Variants in CNST observed in about 807,000 individuals in gnomAD.
The protein encoded by CNST is consortin.
A neutral mutation model predicts 72.4 loss-of-function variants in CNST; 39 were observed. That is an observed-to-expected ratio of 0.54 (90% CI 0.42 to 0.70). The LOEUF (loss-of-function observed/expected upper bound fraction) is 0.70. CNST is among the 30% of genes least tolerant of loss of function. The pLI is 0.00. For synonymous variants in CNST, 332 were observed against 320.1 expected (o/e 1.04, Z -0.40); for missense variants, 871 against 868.5 (o/e 1.00, Z -0.04).
intron 4 of CNST, among the ~76,000 whole-genome samples, 162 bp from the exon 5 acceptor site, chr1:246,633,760 AAG>A (rs889885562): frequency 6.6e-6 from 1 of 152,118 alleles, no homozygotes; most frequent in African/African-American, 2.4e-5. Flanking sequence ...AAAAAAAAAA[AAG>A]AGAGAAACAT....
chr1:246,578,692 A>G (rs1178568908), intron 1 of CNST, among the ~76,000 whole-genome samples: 1 of 151,970 alleles, frequency 6.6e-6, no homozygotes, highest in East Asian at 1.9e-4. Flanking sequence ...CTATTGCCTC[A>G]AATTATAATT....
At chr1:246,592,038 T>A in intron 2 of CNST, 97 bp downstream of exon 2, 1 of 954,522 alleles carries the variant, frequency 1.0e-6, no homozygotes, top group Non-Finnish European at 1.5e-6. Context: ...CCTTGCTTCT[T>A]TGCTTACGAT....
intron 2 of CNST, among the ~76,000 whole-genome samples, chr1:246,616,661 T>G (rs1663719265): frequency 6.6e-6 from 1 of 152,150 alleles, no homozygotes; most frequent in African/African-American, 2.4e-5. Flanking sequence ...TTCAAGCAGT[T>G]CTCCTGCCTC....
At chr1:246,631,236 G>A (rs1331040485) in intron 3 of CNST, among the ~76,000 whole-genome samples, 1 of 152,176 alleles carries the variant, frequency 6.6e-6, no homozygotes, top group African/African-American at 2.4e-5. Context: ...ACTGAGACCA[G>A]CTCCTGAGTC....
chr1:246,638,720 C>T (rs1665476512), intron 6 of CNST, among the ~76,000 whole-genome samples: 1 of 152,078 alleles, frequency 6.6e-6, no homozygotes, highest in African/African-American at 2.4e-5. Context: ...AAGGAACTGC[C>T]ATCTACAAAC....
intron 1 of CNST, among the ~76,000 whole-genome samples, chr1:246,589,904 A>G (rs1661436652): frequency 6.6e-6 from 1 of 152,154 alleles, no homozygotes; most frequent in Non-Finnish European, 1.5e-5. Context: ...TTGGCTGCAT[A>G]AATGTCTTCT....
intron 9 of CNST, 30 bp downstream of exon 9, chr1:246,648,067 TA>T: frequency 3.2e-6 from 5 of 1,563,462 alleles, no homozygotes; most frequent in Non-Finnish European, 3.5e-6. Flanking sequence ...CAATTAAAAG[TA>T]AAATGGCATT....
chr1:246,648,261 G>A (rs1392103657), intron 9 of CNST: 4 of 1,292,076 alleles, frequency 3.1e-6, no homozygotes, highest in Admixed American at 3.6e-5. Context: ...TCTATTGCAT[G>A]CCTCCAGCTA....
intron 9 of CNST, among the ~76,000 whole-genome samples, chr1:246,658,560 C>G (rs1283364906): frequency 6.6e-6 from 1 of 152,036 alleles, no homozygotes; most frequent in Non-Finnish European, 1.5e-5. Flanking sequence ...CCTAAAAGCC[C>G]TAAGATATAA....
At chr1:246,579,864 T>A (rs1017667024) in intron 1 of CNST, among the ~76,000 whole-genome samples, 1 of 152,226 alleles carries the variant, frequency 6.6e-6, no homozygotes, top group Non-Finnish European at 1.5e-5. Flanking sequence ...AATTTATCTT[T>A]ATGGATGACT....
chr1:246,567,652 C>G (rs1659802508), intron 1 of CNST, among the ~76,000 whole-genome samples: 1 of 152,196 alleles, frequency 6.6e-6, no homozygotes, highest in Admixed American at 6.5e-5. Context: ...GAATTGACAA[C>G]TAAATATGAC....
chr1:246,617,446 T>C (rs958887826), intron 2 of CNST, among the ~76,000 whole-genome samples: 1 of 152,238 alleles, frequency 6.6e-6, no homozygotes, highest in African/African-American at 2.4e-5. Flanking sequence ...TTTACCACTC[T>C]TGTGACCTTT....
chr1:246,656,786 G>A (rs1178996530), intron 9 of CNST, among the ~76,000 whole-genome samples: 1 of 151,906 alleles, frequency 6.6e-6, no homozygotes, highest in African/African-American at 2.4e-5. Context: ...AAAAACATTA[G>A]CCAGGCATGG....
Position 246,665,832 on chromosome 1 carries a change from A to G in CNST, c.2105A>G (p.Asp702Gly). ...TCACCTGTTTGTACTGACTTTGCAG[A>G]CAACATGGACTTCTATTACACTAAG... The part of the protein sequence containing the change: ...MESPVCTDFA[D>G]NMDFYYTKLL... Residue 702 changes from aspartate (D) to glycine (G), a missense_variant, in exon 11 of 11, where the codon GAC becomes GGC. Asp to Gly is a moderately conservative substitution (Grantham distance 94). Coordinates refer to ENST00000366513, the MANE Select transcript of CNST (RefSeq NM_152609.3). The G allele has an allele frequency of 6.2e-7, 1 of 1,614,114 alleles. No individual in the cohort carries two copies. The highest frequency in any genetic ancestry group is 8.5e-7 in the Non-Finnish European group (1 of 1,179,994).
At chr1:246,636,994 G>A (rs140968549) in intron 6 of CNST, among the ~76,000 whole-genome samples, 96 of 152,280 alleles carry the variant, frequency 6.3e-4, no homozygotes, top group African/African-American at 2.2e-3. Context: ...CCCGTATTAA[G>A]ACTTTTGGTT....
In CNST at chr1:246,602,578, G is replaced by A. The variant is rs896243129; in HGVS notation, c.379+10637G>A. Among the ~76,000 whole-genome samples, 4 of 152,156 alleles carry A rather than the reference G, an allele frequency of 2.6e-5. No individual in the cohort carries two copies. The East Asian group carries it at 7.7e-4, about 29-fold the overall frequency. ...AACCTGGAAGTCATACTTTTTTAAT[G>A]ACCTAATTTTGGAAGTGATATTCCA... On this transcript the variant is annotated intron_variant, in intron 2 of 10. Coordinates refer to ENST00000366513, the MANE Select transcript of CNST (RefSeq NM_152609.3).
chr1:246,570,622 G>T (rs1050933209), intron 1 of CNST, among the ~76,000 whole-genome samples: 9 of 152,166 alleles, frequency 5.9e-5, no homozygotes, highest in Non-Finnish European at 1.2e-4. Context: ...GACAGAATTG[G>T]GGAAGGGGTA....
chr1:246,645,416 G>A (rs1218962015), intron 8 of CNST, among the ~76,000 whole-genome samples: 2 of 143,784 alleles, frequency 1.4e-5, no homozygotes, highest in African/African-American at 2.6e-5. Context: ...AGTATAAAAA[G>A]GTTAAAACTT....
chr1:246,631,868 C>T (rs1234819707), intron 3 of CNST, 26 bp from the exon 4 acceptor site: 2 of 1,414,650 alleles, frequency 1.4e-6, no homozygotes, highest in Non-Finnish European at 9.9e-7. Flanking sequence ...ATTTAATTTT[C>T]TCTGTGTTTT....
Sources: gnomAD v4.1 joint callset for allele counts (sites outside exome capture counted in the v4.1 genomes callset) on GRCh38, gnomAD v4.1.1 for gene constraint, MANE v1.5 for transcripts, NCBI Gene and HGNC (gene_info 2026-07-23, HGNC 2026-07-21) for gene names.